TMEM132D: variants seen among roughly 807,000 people sequenced by gnomAD.
TMEM132D encodes transmembrane protein 132D.
A neutral mutation model predicts 62.3 loss-of-function variants in TMEM132D; 21 were observed. The ratio of observed to expected loss-of-function variants is 0.34; its 90% CI spans 0.24 to 0.49. The LOEUF (loss-of-function observed/expected upper bound fraction) is 0.49. TMEM132D is among the 20% of genes least tolerant of loss of function. The pLI is 0.99. For synonymous variants in TMEM132D, 621 were observed against 575.6 expected (o/e 1.08, Z -1.13); for missense variants, 1,346 against 1,402.8 (o/e 0.96, Z 0.65).
At chr12:129,219,516 G>A (rs547215395) in intron 4 of TMEM132D, among the ~76,000 whole-genome samples, 14 of 152,280 alleles carry the variant, frequency 9.2e-5, no homozygotes, top group Admixed American at 2.0e-4. Flanking sequence ...TAAGGGCACC[G>A]GAGACAGCAG....
chr12:129,637,210 C>G (rs1258386741), intron 2 of TMEM132D, among the ~76,000 whole-genome samples: 2 of 152,094 alleles, frequency 1.3e-5, no homozygotes, highest in Admixed American at 1.3e-4. Flanking sequence ...TTACTCTGTT[C>G]ATTTGTTTCA....
chr12:129,313,758 T>C (rs967631625), intron 4 of TMEM132D, among the ~76,000 whole-genome samples: 4 of 152,210 alleles, frequency 2.6e-5, no homozygotes, highest in Non-Finnish European at 4.4e-5. Context: ...ATGGTAGCTC[T>C]ACTTTTAGTT....
chr12:129,565,807 C>T (rs531208762), intron 2 of TMEM132D, among the ~76,000 whole-genome samples: 3 of 152,168 alleles, frequency 2.0e-5, no homozygotes, highest in African/African-American at 4.8e-5. Context: ...GTCTCTTGGT[C>T]GAATTCTTTC....
chr12:129,395,133 G>A (rs1453367003), intron 3 of TMEM132D, among the ~76,000 whole-genome samples: 1 of 152,120 alleles, frequency 6.6e-6, no homozygotes, highest in Non-Finnish European at 1.5e-5. Context: ...AGACACAAAA[G>A]AGAAATTAAT....
intron 1 of TMEM132D, among the ~76,000 whole-genome samples, chr12:129,879,441 T>G (rs1303287522): frequency 6.6e-6 from 1 of 152,342 alleles, no homozygotes; most frequent in East Asian, 1.9e-4. Context: ...TAATAGTTTC[T>G]TGAACACATC....
intron 1 of TMEM132D, among the ~76,000 whole-genome samples, chr12:129,896,643 CTT>C (rs1875145801): frequency 6.6e-6 from 1 of 152,302 alleles, no homozygotes; most frequent in African/African-American, 2.4e-5. Flanking sequence ...AAAAGAATAA[CTT>C]AATGTCACTA....
intron 4 of TMEM132D, among the ~76,000 whole-genome samples, chr12:129,290,688 G>A (rs1401247821): frequency 2.0e-5 from 3 of 152,114 alleles, no homozygotes; most frequent in Non-Finnish European, 2.9e-5. Flanking sequence ...GGATGTGGGT[G>A]GTAGCCTTAT....
intron 2 of TMEM132D, among the ~76,000 whole-genome samples, chr12:129,611,331 C>T (rs1186131388): frequency 6.6e-6 from 1 of 152,164 alleles, no homozygotes; most frequent in African/African-American, 2.4e-5. Flanking sequence ...CACTAGCTAC[C>T]CTCAGTTTGC....
intron 1 of TMEM132D, among the ~76,000 whole-genome samples, chr12:129,709,591 G>A (rs921784918): frequency 1.3e-5 from 2 of 152,162 alleles, no homozygotes; most frequent in East Asian, 1.9e-4. Flanking sequence ...TGGATTCACC[G>A]GAGTGTGCCT....
rs1877590105 is a variant in TMEM132D at position 129,574,019 on chromosome 12, T to C, written c.969-42814A>G. Among the ~76,000 whole-genome samples the C allele has an allele frequency of 1.3e-5, 2 of 151,926 alleles. 1 individual carries two copies. The highest frequency in any genetic ancestry group is 4.9e-5 in the African/African-American group (2 of 41,204). On this transcript the variant is annotated intron_variant, in intron 2 of 8. Coordinates refer to ENST00000422113, the MANE Select transcript of TMEM132D (RefSeq NM_133448.3). ...GATGATCTTTGTCTCAATCAGAGCT[T>C]GCATGTGTTGGAACTCATCAATTGG...
intron 1 of TMEM132D, among the ~76,000 whole-genome samples, chr12:129,848,592 C>A (rs1873438770): frequency 6.6e-6 from 1 of 152,160 alleles, no homozygotes; most frequent in Non-Finnish European, 1.5e-5. Flanking sequence ...AGGTGTAGGA[C>A]AGTCATTTGC....
At chr12:129,510,651 G>T (rs1222901762) in intron 3 of TMEM132D, among the ~76,000 whole-genome samples, 1 of 152,178 alleles carries the variant, frequency 6.6e-6, no homozygotes, top group East Asian at 1.9e-4. Flanking sequence ...TATGGCAAGA[G>T]ATAGGGGTCT....
At chr12:129,849,954 G>A (rs570537892) in intron 1 of TMEM132D, among the ~76,000 whole-genome samples, 33 of 152,314 alleles carry the variant, frequency 2.2e-4, no homozygotes, top group Non-Finnish European at 4.3e-4. Flanking sequence ...AATGGATGGG[G>A]ATATTTGCAT....
chr12:129,885,162 G>A (rs1002549441), intron 1 of TMEM132D, among the ~76,000 whole-genome samples: 25 of 152,158 alleles, frequency 1.6e-4, no homozygotes, highest in Admixed American at 1.5e-3. Context: ...AACTTTTGAG[G>A]GTTACAGAAA....
intron 3 of TMEM132D, among the ~76,000 whole-genome samples, chr12:129,438,379 C>T (rs146887713): frequency 1.3e-5 from 2 of 152,142 alleles, no homozygotes; most frequent in Non-Finnish European, 2.9e-5. Flanking sequence ...AAATATCCAC[C>T]CATAGAATAG....
At chr12:129,121,712 G>A (rs919247572) in intron 5 of TMEM132D, among the ~76,000 whole-genome samples, 4 of 152,112 alleles carry the variant, frequency 2.6e-5, no homozygotes, top group African/African-American at 7.2e-5. Flanking sequence ...CTACACCCCG[G>A]CCACCACAGC....
chr12:129,078,758 C>T (rs1874358834), intron 7 of TMEM132D, 33 bp from the exon 8 acceptor site: 1 of 1,603,626 alleles, frequency 6.2e-7, no homozygotes, highest in East Asian at 2.2e-5. Flanking sequence ...CAAGGAAAGG[C>T]TTTCTGTGGT....
chr12:129,128,394 T>C (rs554234150), intron 5 of TMEM132D, among the ~76,000 whole-genome samples: 1 of 151,870 alleles, frequency 6.6e-6, no homozygotes, highest in Admixed American at 6.6e-5. Context: ...TGGTGGAAGG[T>C]GAAGAGGAAG....
At chr12:129,887,532 T>C (rs543827584) in intron 1 of TMEM132D, among the ~76,000 whole-genome samples, 5 of 152,210 alleles carry the variant, frequency 3.3e-5, no homozygotes, top group Non-Finnish European at 7.3e-5. Flanking sequence ...TATTGCCCCA[T>C]AGCCTCCACT....
Sources: gnomAD v4.1 joint callset for allele counts (sites outside exome capture counted in the v4.1 genomes callset) on GRCh38, gnomAD v4.1.1 for gene constraint, MANE v1.5 for transcripts, NCBI Gene and HGNC (gene_info 2026-07-23, HGNC 2026-07-21) for gene names.